Variants in STYK1 observed in about 807,000 individuals in gnomAD.
The protein encoded by STYK1 is tyrosine-protein kinase STYK1.
Under a neutral mutation model 48.1 loss-of-function variants are expected in STYK1, and 46 were observed. The observed-to-expected ratio is 0.96, with a 90% CI of 0.75 to 1.22. STYK1 has a LOEUF of 1.22. Ranked by LOEUF, STYK1 falls within the 50% of genes most tolerant of loss-of-function variation. STYK1 has a pLI of 0.00. For synonymous variants in STYK1, 188 were observed against 189.0 expected (o/e 0.99, Z 0.04); for missense variants, 527 against 521.1 (o/e 1.01, Z -0.11).
chr12:10,629,363 C>T, intron 6 of STYK1, 130 bp downstream of exon 6: 1 of 920,832 alleles, frequency 1.1e-6, no homozygotes, highest in Non-Finnish European at 1.7e-6. Flanking sequence ...ATTATATGGT[C>T]ATACTCCCTT....
chr12:10,629,355 T>G, intron 6 of STYK1, 138 bp downstream of exon 6: 2 of 852,202 alleles, frequency 2.3e-6, no homozygotes, highest in South Asian at 3.5e-5. Flanking sequence ...AAAGTTCTAT[T>G]ATATGGTCAT....
chr12:10,668,995 A>G (rs1380553841), intron 1 of STYK1, among the ~76,000 whole-genome samples: 1 of 152,182 alleles, frequency 6.6e-6, no homozygotes, highest in Non-Finnish European at 1.5e-5. Context: ...GGGGAGGACA[A>G]AAATGAACTG....
intron 4 of STYK1, among the ~76,000 whole-genome samples, chr12:10,632,114 G>T (rs936854999): frequency 2.6e-5 from 4 of 151,934 alleles, no homozygotes; most frequent in African/African-American, 9.7e-5. Flanking sequence ...CTATTGGGGA[G>T]GCCAAAGCAG....
In STYK1 at chr12:10,619,956, T is replaced by C. The variant is rs1431656425; in HGVS notation, c.*188A>G. On this transcript the variant is annotated 3_prime_UTR_variant, in exon 11 of 11. Transcript: ENST00000075503. Reference sequence around the variant, plus strand: ...CAGCAGAAGTGAGACTGACAGTATGTCTTAGCTCAGGATGTGTAGAGTCCC... The same window carrying C: ...CAGCAGAAGTGAGACTGACAGTATGCCTTAGCTCAGGATGTGTAGAGTCCC... The C allele has an allele frequency of 3.0e-6, 2 of 656,106 alleles. No homozygotes were observed. Among genetic ancestry groups the C allele is most frequent in the African/African-American group, 3.6e-5 (2 of 55,094 alleles). 40.6% of individuals were successfully genotyped at this position (656,106 alleles called of 1,614,324 possible).
chr12:10,664,284 G>C (rs1947812008), intron 1 of STYK1, among the ~76,000 whole-genome samples: 1 of 152,162 alleles, frequency 6.6e-6, no homozygotes, highest in African/African-American at 2.4e-5. Context: ...GGACAAGAGA[G>C]TGTGTCCAAA....
Position 10,622,021 on chromosome 12 carries a change from C to T in STYK1, c.968-49G>A, listed in dbSNP as rs779033701. On this transcript the variant is annotated intron_variant, in intron 9 of 10. Transcript: ENST00000075503. ...ACTTTAAGGTCCTCTAAAATATGAACTGTAACTAACACTATTCTTCATCCA... is the reference window on the plus strand; with the variant it reads ...ACTTTAAGGTCCTCTAAAATATGAATTGTAACTAACACTATTCTTCATCCA... The T allele has an allele frequency of 3.3e-5, 49 of 1,505,894 alleles. No homozygotes were observed. In the African/African-American group the frequency reaches 6.6e-4, roughly 20 times the overall value. 93.3% of individuals were successfully genotyped at this position (1,505,894 alleles called of 1,614,324 possible). A position where few individuals can be genotyped will look rare whatever the true frequency, so the allele number is the denominator to read the frequency against.
intron 8 of STYK1, among the ~76,000 whole-genome samples, chr12:10,624,375 G>C (rs902649385): frequency 1.3e-5 from 2 of 151,988 alleles, no homozygotes; most frequent in African/African-American, 2.4e-5. Flanking sequence ...AGTGAGCTGT[G>C]ATCATGCCAC....
At chr12:10,644,195 C>T (rs1167423068) in intron 1 of STYK1, among the ~76,000 whole-genome samples, 1 of 152,122 alleles carries the variant, frequency 6.6e-6, no homozygotes, top group Non-Finnish European at 1.5e-5. Context: ...GAAGGTGTGA[C>T]TTTGAAGGGG....
intron 6 of STYK1, 78 bp downstream of exon 6, chr12:10,629,415 G>T: frequency 6.9e-7 from 1 of 1,454,364 alleles, no homozygotes; most frequent in Non-Finnish European, 9.5e-7. Flanking sequence ...TTTGTCATTT[G>T]TCACACTAAC....
At chr12:10,636,763 G>C (rs1295486390) in intron 2 of STYK1, among the ~76,000 whole-genome samples, 1 of 152,116 alleles carries the variant, frequency 6.6e-6, no homozygotes, top group African/African-American at 2.4e-5. Flanking sequence ...AACCAGTTTG[G>C]CTTTCTGAGG....
chr12:10,663,398 G>A (rs1225533541), intron 1 of STYK1, among the ~76,000 whole-genome samples: 1 of 151,942 alleles, frequency 6.6e-6, no homozygotes, highest in Non-Finnish European at 1.5e-5. Flanking sequence ...GGATCATGAG[G>A]TCGGGAGATC....
intron 1 of STYK1, among the ~76,000 whole-genome samples, chr12:10,659,348 A>G (rs1365897203): frequency 6.6e-6 from 1 of 152,208 alleles, no homozygotes; most frequent in East Asian, 1.9e-4. Context: ...CTTACGGAAT[A>G]TAGTTATTTG....
chr12:10,664,511 A>G (rs1277962418), intron 1 of STYK1, among the ~76,000 whole-genome samples: 1 of 152,182 alleles, frequency 6.6e-6, no homozygotes, highest in African/African-American at 2.4e-5. Flanking sequence ...CCAAGGATCA[A>G]TGAACTTCTT....
At chr12:10,640,939 A>G (rs954184781) in intron 1 of STYK1, among the ~76,000 whole-genome samples, 7 of 152,212 alleles carry the variant, frequency 4.6e-5, no homozygotes, top group African/African-American at 1.7e-4. Flanking sequence ...ATTTCCTTTG[A>G]GGTATTATAC....
intron 1 of STYK1, among the ~76,000 whole-genome samples, chr12:10,641,422 C>G (rs3782671): frequency 2.0e-5 from 3 of 152,104 alleles, no homozygotes; most frequent in East Asian, 3.9e-4. Context: ...AGTCTCCCCC[C>G]ATAAGTGAGG....
At position 10,631,171 on chromosome 12, in the gene STYK1, G is replaced by A; in HGVS notation, c.325C>T (p.Pro109Ser). Residue 109 changes from proline to serine, a missense_variant, in exon 5 of 11, where the codon CCG (proline) becomes TCG (serine). Coordinates refer to ENST00000075503, the MANE Select transcript of STYK1 (RefSeq NM_018423.3). ...TTPALAKLQV[P>S]REQLSEVLEQ... is the part of the protein sequence containing the mutation. ...AGAACTTCAGAGAGTTGCTCCCGCG[G>A]CACCTGCAGCTTAGCCAGGGCAGGT... The A allele has an allele frequency of 1.2e-6, 2 of 1,614,186 alleles. No individual in the cohort carries two copies. The highest frequency in any genetic ancestry group is 1.7e-6 in the Non-Finnish European group (2 of 1,180,028).
intron 5 of STYK1, 143 bp downstream of exon 5, chr12:10,630,902 T>C: frequency 9.2e-7 from 1 of 1,084,110 alleles, no homozygotes; most frequent in Non-Finnish European, 1.3e-6. Context: ...AAGAAAAACA[T>C]TTCTGCCTCA....
intron 1 of STYK1, among the ~76,000 whole-genome samples, chr12:10,642,319 T>C (rs1947554250): frequency 6.6e-6 from 1 of 152,242 alleles, no homozygotes; most frequent in East Asian, 1.9e-4. Flanking sequence ...CTCATTCCTA[T>C]CATTCATGAT....
In STYK1 at chr12:10,629,553, A is replaced by G. The variant is rs1170866391; in HGVS notation, c.573T>C (p.Tyr191=). 10 of 1,614,072 alleles carry G rather than the reference A, an allele frequency of 6.2e-6. No individual in the cohort carries two copies. The highest frequency in any genetic ancestry group is 1.3e-5 in the African/African-American group (1 of 74,920). The change falls in exon 6 of 11, where the codon TAT becomes TAC. Residue 191 remains tyrosine (Y), a synonymous_variant. Coordinates refer to ENST00000075503, the MANE Select transcript of STYK1 (RefSeq NM_018423.3). ...EGCCTEKLPL[Y]MVLEDVAQGD... ...CCTGGGCCACATCCTCCAACACCAT[A>G]TAGAGTGGCAGCTTTTCAGTGCAGC...
Sources: gnomAD v4.1 joint callset for allele counts (sites outside exome capture counted in the v4.1 genomes callset) on GRCh38, gnomAD v4.1.1 for gene constraint, MANE v1.5 for transcripts, NCBI Gene and HGNC (gene_info 2026-07-23, HGNC 2026-07-21) for gene names.